FAM228B: variants seen among roughly 807,000 people sequenced by gnomAD.
FAM228B encodes the protein family with sequence similarity 228 member B, also known as protein FAM228B.
In FAM228B, 38 loss-of-function variants were observed where a neutral mutation model predicts 42.6. The observed-to-expected ratio is 0.89, with a 90% confidence interval of 0.69 to 1.17. The LOEUF (loss-of-function observed/expected upper bound fraction) is 1.17, where lower values mean the gene tolerates loss of function less well. Among genes scored for constraint, FAM228B ranks in the 50% most tolerant of loss-of-function variants. The pLI, the probability that FAM228B is intolerant of heterozygous loss-of-function variation, is 0.00. For synonymous variants in FAM228B, 109 were observed against 122.3 expected (o/e 0.89, Z 0.72); for missense variants, 344 against 367.3 (o/e 0.94, Z 0.52).
chr2:24,131,971 ATAAATGGCTC>A (rs1338009375), intron 2 of FAM228B, among the ~76,000 whole-genome samples: 1 of 152,332 alleles, frequency 6.6e-6, no homozygotes, highest in East Asian at 1.9e-4. Flanking sequence ...TGGGTTTGTC[ATAAATGGCTC>A]TTATTATTTT....
At chr2:24,088,646 C>T (rs1288788415) in intron 2 of FAM228B, among the ~76,000 whole-genome samples, 9 of 152,294 alleles carry the variant, frequency 5.9e-5, no homozygotes, top group Admixed American at 2.6e-4. Flanking sequence ...CCACCGCGCC[C>T]GGCCTATAAT....
chr2:24,129,214 A>G (rs1212566098), intron 2 of FAM228B, among the ~76,000 whole-genome samples: 1 of 151,852 alleles, frequency 6.6e-6, no homozygotes, highest in Non-Finnish European at 1.5e-5. Context: ...TCAGGCAGAC[A>G]GTTGGGCTGT....
intron 2 of FAM228B, among the ~76,000 whole-genome samples, chr2:24,083,484 A>C (rs931359713): frequency 6.6e-6 from 1 of 152,186 alleles, no homozygotes; most frequent in African/African-American, 2.4e-5. Context: ...CCATGCATCA[A>C]GCGCTAGGCT....
rs555165952 is a variant in FAM228B at position 24,123,534 on chromosome 2, G to A, written c.-33+1G>A. On this transcript the variant is annotated splice_donor_variant, in intron 1 of 10. Transcript: ENST00000615575. LOFTEE classifies it low-confidence loss of function (5UTR_SPLICE). ...CGCGCGGCGCTGCGTCCGGGAGACG[G>A]TGGGCGCCAACATTCGCGCGTTCCG... is the stretch of plus-strand genomic sequence containing the variant. 163 of 152,266 alleles carry A rather than the reference G, an allele frequency of 1.1e-3. 1 individual carries two copies. The highest frequency in any genetic ancestry group is 3.7e-3 in the African/African-American group (153 of 41,562). The allele number at this position is 152,266 out of a possible 1,614,324, so 9.4% of individuals were successfully genotyped here.
intron 2 of FAM228B, among the ~76,000 whole-genome samples, chr2:24,126,953 T>G (rs553151431): frequency 8.4e-4 from 128 of 152,284 alleles, no homozygotes; most frequent in Non-Finnish European, 1.3e-3. Context: ...AGTGTACAAT[T>G]CAGTGTTTTT....
upstream of FAM228B, among the ~76,000 whole-genome samples, chr2:24,120,585 C>T (rs557327239): frequency 7.9e-5 from 12 of 151,874 alleles, no homozygotes; most frequent in East Asian, 1.6e-3. Context: ...GATGGAATTT[C>T]GCTCTTGTTG....
At chr2:24,081,695 T>G (rs1357908241) in intron 2 of FAM228B, among the ~76,000 whole-genome samples, 4 of 151,576 alleles carry the variant, frequency 2.6e-5, no homozygotes, top group African/African-American at 4.8e-5. Flanking sequence ...ATACTGTTTT[T>G]TTTTTTTTTT....
intron 5 of FAM228B, among the ~76,000 whole-genome samples, chr2:24,142,004 C>T (rs1180431760): frequency 6.6e-6 from 1 of 152,142 alleles, no homozygotes; most frequent in African/African-American, 2.4e-5. Context: ...TCCATGTCTT[C>T]AGATCCAGGT....
At position 24,084,194 on chromosome 2, in the gene FAM228B, T is replaced by A; in HGVS notation, c.-210+3239T>A. On this transcript the variant is annotated intron_variant, in intron 2 of 10. Coordinates refer to the FAM228B transcript ENST00000613899. The surrounding 1 kb of genome is among the most constrained non-coding windows in gnomAD (Gnocchi z 8.4). ...CGCGGCTGAGCCCTGGGTACCTGCA[T>A]TAAGTCCGCCCGGTTCAGGGCGCTG... The A allele has an allele frequency of 6.2e-7, 1 of 1,612,238 alleles. No individual in the cohort carries two copies. Among genetic ancestry groups the A allele is most frequent in the Non-Finnish European group, 8.5e-7 (1 of 1,179,498 alleles).
intron 2 of FAM228B, chr2:24,081,075 C>T (rs779338615): frequency 3.2e-6 from 5 of 1,545,774 alleles, no homozygotes; most frequent in East Asian, 2.3e-5. Flanking sequence ...GCAACTGCTA[C>T]ACATTCCCCA....
At chr2:24,143,037 T>A (rs1264035886) in intron 5 of FAM228B, among the ~76,000 whole-genome samples, 1 of 152,216 alleles carries the variant, frequency 6.6e-6, no homozygotes. Flanking sequence ...TTCATAGATA[T>A]GGTTTCAGAT....
chr2:24,080,759 G>A lies in FAM228B; in HGVS notation c.-289-117G>A. On this transcript the variant is annotated intron_variant, in intron 1 of 10. Coordinates refer to the FAM228B transcript ENST00000613899. This position sits in a 1 kb window ranked among gnomAD's most constrained non-coding sequence, Gnocchi z 4.7. ...CACAGCACTGGCAACTTTGAGACTG[G>A]TGGGGCTTTTATTTAATCATCTCTT... 6.2e-7 allele frequency: 1 copy of A among 1,603,650 alleles called. No individual in the cohort carries two copies. Among genetic ancestry groups the A allele is most frequent in the African/African-American group, 1.3e-5 (1 of 74,652 alleles).
chr2:24,106,577 C>T (rs1316603373), intron 3 of FAM228B, among the ~76,000 whole-genome samples: 1 of 152,074 alleles, frequency 6.6e-6, no homozygotes, highest in African/African-American at 2.4e-5. Context: ...GCCTCAGCCT[C>T]CCAAAGTGCT....
At chr2:24,115,494 G>T (rs900571599) in intron 3 of FAM228B, 1 of 1,168,120 alleles carries the variant, frequency 8.6e-7, no homozygotes, top group African/African-American at 1.5e-5. Context: ...CTTCTGTCTA[G>T]TGTTTTTTCA....
chr2:24,153,362 G>A (rs772565639), intron 7 of FAM228B, among the ~76,000 whole-genome samples: 21 of 152,104 alleles, frequency 1.4e-4, no homozygotes, highest in Non-Finnish European at 2.4e-4. Context: ...CCTGGGTATC[G>A]CTGCTGCTGG....
intron 2 of FAM228B, among the ~76,000 whole-genome samples, chr2:24,094,270 T>C (rs539764572): frequency 1.3e-5 from 2 of 151,804 alleles, no homozygotes; most frequent in Non-Finnish European, 2.9e-5. Flanking sequence ...ACAAGATCTT[T>C]CATGTTGCTC....
Position 24,127,175 on chromosome 2 carries a change from C to T in FAM228B, c.99+2715C>T, listed in dbSNP as rs528658939. Among the ~76,000 whole-genome samples, 11 of 152,262 alleles carry T rather than the reference C, an allele frequency of 7.2e-5. No individual in the cohort carries two copies. The South Asian group carries it at 1.9e-3, about 26-fold the overall frequency. On this transcript the variant is annotated intron_variant, in intron 2 of 10. Transcript: ENST00000615575. ...TCTAAACAGATTTGTCTACTCTGGA[C>T]ATTTTATACAAATGGTATCATACAA...
intron 7 of FAM228B, among the ~76,000 whole-genome samples, chr2:24,156,083 G>C (rs1370041749): frequency 6.6e-6 from 1 of 152,176 alleles, no homozygotes; most frequent in Non-Finnish European, 1.5e-5. Context: ...ATGCTGGAAT[G>C]TCTTCAGAAG....
At chr2:24,086,065 C>A (rs953946196) in intron 2 of FAM228B, among the ~76,000 whole-genome samples, 2 of 151,950 alleles carry the variant, frequency 1.3e-5, no homozygotes, top group Admixed American at 6.6e-5. Flanking sequence ...GAAACCCCGT[C>A]TCTACTAAAA....
Sources: gnomAD v4.1 joint callset for allele counts (sites outside exome capture counted in the v4.1 genomes callset) on GRCh38, gnomAD v4.1.1 for gene constraint, Gnocchi (gnomAD v3.1) non-coding constraint, MANE v1.5 for transcripts, NCBI Gene and HGNC (gene_info 2026-07-23, HGNC 2026-07-21) for gene names.